The following MORC2 variants were observed in gnomAD, a reference collection of about 807,000 sequenced individuals.
MORC2 encodes the protein ATPase MORC2.
MORC2 carries 30 observed loss-of-function variants against 136.0 expected under a neutral mutation model. The ratio of observed to expected loss-of-function variants is 0.22; its 90% CI spans 0.17 to 0.30. The LOEUF (loss-of-function observed/expected upper bound fraction) is 0.30, where lower values mean the gene tolerates loss of function less well. MORC2 is among the 10% of genes least tolerant of loss of function. The probability of loss-of-function intolerance (pLI) is 1.00; values close to 1 mark genes in which losing one functional copy is unlikely to be tolerated. For missense variants in MORC2, 922 were observed against 1,333.1 expected, an observed-to-expected ratio of 0.69 and a Z score of 4.80; for synonymous variants, 439 against 487.0, an observed-to-expected ratio of 0.90 and a Z score of 1.30.
chr22:30,941,580 A>G lies in MORC2; in HGVS notation c.699-22T>C, dbSNP rs1206091447. 1.2e-6 allele frequency: 2 copies of G among 1,607,614 alleles called. No homozygotes were observed. Among genetic ancestry groups the G allele is most frequent in the Non-Finnish European group, 1.7e-6 (2 of 1,175,114 alleles). Reference sequence around the variant, plus strand: ...CTTCCTGGAGAGGGCAAAAACAGAGAAGTGCTGTCACCTGCTCCACAACAG... The same window carrying G: ...CTTCCTGGAGAGGGCAAAAACAGAGGAGTGCTGTCACCTGCTCCACAACAG... On this transcript the variant is annotated intron_variant, in intron 8 of 25. Coordinates refer to ENST00000397641, the MANE Select transcript of MORC2 (RefSeq NM_001303256.3). The surrounding 1 kb of genome is among the most constrained non-coding windows in gnomAD (Gnocchi z 4.6).
At chr22:30,929,158 A>G (rs1398754021) in intron 24 of MORC2, among the ~76,000 whole-genome samples, 1 of 152,274 alleles carries the variant, frequency 6.6e-6, no homozygotes, top group Non-Finnish European at 1.5e-5. Flanking sequence ...AGTTCTACAC[A>G]AAACAGTAAT....
chr22:30,950,064 A>C (rs1398708429), intron 4 of MORC2, among the ~76,000 whole-genome samples: 1 of 152,220 alleles, frequency 6.6e-6, no homozygotes, highest in Non-Finnish European at 1.5e-5. Context: ...GAATGTGGTA[A>C]GACAGCTAGC....
At chr22:30,935,358 AT>A in intron 17 of MORC2, 36 bp from the exon 18 acceptor site, 1 of 1,597,272 alleles carries the variant, frequency 6.3e-7, no homozygotes, top group Middle Eastern at 1.7e-4. Context: ...TTGTTTGCAT[AT>A]TTTAGTATAC....
chr22:30,939,516 T>G, intron 12 of MORC2, 105 bp downstream of exon 12: 1 of 1,089,240 alleles, frequency 9.2e-7, no homozygotes, highest in Admixed American at 2.4e-5. Flanking sequence ...TGACAAGCAT[T>G]TGGCATTAAA....
chr22:30,949,863 G>C (rs367672545), intron 4 of MORC2, 21 bp from the exon 5 acceptor site: 1 of 1,611,676 alleles, frequency 6.2e-7, no homozygotes, highest in Non-Finnish European at 8.5e-7. Flanking sequence ...AGACACAAGA[G>C]AAAGTGAAAA....
chr22:30,926,906 C>G (rs1435810248), intron 25 of MORC2, 35 bp from the exon 26 acceptor site: 4 of 1,584,418 alleles, frequency 2.5e-6, no homozygotes, highest in Non-Finnish European at 3.5e-6. Flanking sequence ...AACTGGGGGC[C>G]AGAAAGTGAT....
intron 1 of MORC2, among the ~76,000 whole-genome samples, chr22:30,966,020 T>C (rs2041123515): frequency 6.6e-6 from 1 of 152,222 alleles, no homozygotes; most frequent in Non-Finnish European, 1.5e-5. Context: ...TAATTTAATC[T>C]CTTTGAACCT....
chr22:30,968,180 A>C lies in MORC2; in HGVS notation c.-291T>G, dbSNP rs2041158425. 3.0e-6 allele frequency: 1 copy of C among 332,524 alleles called. No individual in the cohort carries two copies. Among genetic ancestry groups the C allele is most frequent in the Non-Finnish European group, 5.6e-6 (1 of 177,356 alleles). 20.6% of individuals were successfully genotyped at this position (332,524 alleles called of 1,614,324 possible). A position where few individuals can be genotyped will look rare whatever the true frequency, so the allele number is the denominator to read the frequency against. ...TTTTAGCATTAAGTTGCGATAGCTC[A>C]ATTCAGACAATCTGAGTCTCGTGTG... On this transcript the variant is annotated 5_prime_UTR_variant, in exon 1 of 26. In the 5' UTR this introduces an upstream ATG that the reference lacks. Coordinates refer to ENST00000397641, the MANE Select transcript of MORC2 (RefSeq NM_001303256.3).
chr22:30,961,619 C>T (rs912014886), intron 1 of MORC2, among the ~76,000 whole-genome samples: 4 of 152,080 alleles, frequency 2.6e-5, no homozygotes, highest in African/African-American at 9.7e-5. Flanking sequence ...CAGAAAAAAA[C>T]AAGAGCACAA....
At chr22:30,940,548 CAGA>C (rs1013569609) in intron 10 of MORC2, among the ~76,000 whole-genome samples, 10 of 152,102 alleles carry the variant, frequency 6.6e-5, no homozygotes, top group Admixed American at 4.6e-4. Context: ...CTATAAATGG[CAGA>C]AGAAGAGAAA....
At chr22:30,936,751 A>C in intron 16 of MORC2, 108 bp from the exon 17 acceptor site, 2 of 1,430,320 alleles carry the variant, frequency 1.4e-6, no homozygotes, top group Non-Finnish European at 1.9e-6. Flanking sequence ...CAACCACCTC[A>C]GAGTTCCCAA....
chr22:30,926,733 G>A lies in MORC2; in HGVS notation c.*70C>T. On this transcript the variant is annotated 3_prime_UTR_variant, in exon 26 of 26. Coordinates refer to ENST00000397641, the MANE Select transcript of MORC2 (RefSeq NM_001303256.3). ...AAGGTGCGACCACCAACCCATGAAT[G>A]AAGTCCCCTCCCCCTGCAGCTACAG... 7.4e-7 allele frequency: 1 copy of A among 1,343,438 alleles called. No individual in the cohort carries two copies. The highest frequency in any genetic ancestry group is 1.0e-6 in the Non-Finnish European group (1 of 952,558). The allele number at this position is 1,343,438 out of a possible 1,614,324, so 83.2% of individuals were successfully genotyped here.
At chr22:30,961,172 TATGTTTA>T (rs1465273550) in intron 1 of MORC2, among the ~76,000 whole-genome samples, 1 of 152,136 alleles carries the variant, frequency 6.6e-6, no homozygotes, top group Non-Finnish European at 1.5e-5. Flanking sequence ...GCCCGGCCCA[TATGTTTA>T]ATTATTAAAA....
chr22:30,948,788 AG>A (rs2040851879), intron 5 of MORC2, among the ~76,000 whole-genome samples: 2 of 152,206 alleles, frequency 1.3e-5, no homozygotes, highest in South Asian at 4.1e-4. Flanking sequence ...ACAACCTCAC[AG>A]GGCTATCATG....
Position 30,934,967 on chromosome 22 carries a change from C to T in MORC2, c.2007G>A (p.Gln669=). ...CAGGCTTTCGGGGTGCCTCAGGTGG[C>T]TGGAGCAGCCTAGATGTGCTGGCCT... is the stretch of plus-strand genomic sequence containing the variant. ...REEASTSRLL[Q]PPEAPRKPAN... Residue 669 remains glutamine, a synonymous_variant, in exon 19 of 26, where the codon CAG becomes CAA. Transcript: ENST00000397641. This position sits in a 1 kb window ranked among gnomAD's most constrained non-coding sequence, Gnocchi z 4.4. 2 of 1,614,082 alleles carry T rather than the reference C, an allele frequency of 1.2e-6. No homozygotes were observed. Among genetic ancestry groups the T allele is most frequent in the Non-Finnish European group, 1.7e-6 (2 of 1,180,022 alleles).
intron 24 of MORC2, among the ~76,000 whole-genome samples, chr22:30,931,636 T>G (rs959956914): frequency 6.6e-6 from 1 of 152,116 alleles, no homozygotes; most frequent in African/African-American, 2.4e-5. Flanking sequence ...CCTCAAACAC[T>G]CCTTTTCACT....
At chr22:30,965,415 C>G (rs1260613805) in intron 1 of MORC2, among the ~76,000 whole-genome samples, 1 of 152,178 alleles carries the variant, frequency 6.6e-6, no homozygotes, top group Non-Finnish European at 1.5e-5. Context: ...TTTATTTTCT[C>G]TATAAATGAA....
chr22:30,938,227 A>G (rs1185935168), intron 12 of MORC2, 22 bp from the exon 13 acceptor site: 4 of 1,393,400 alleles, frequency 2.9e-6, no homozygotes, highest in Admixed American at 4.2e-5. Flanking sequence ...AAAAAACTCA[A>G]GCAGATCTAC....
rs1404871361 is a variant in MORC2, at chr22:30,948,046, AAC to A, written c.318-1599_318-1598del. Among the ~76,000 whole-genome samples the A allele has an allele frequency of 7.9e-5, 12 of 152,252 alleles. No homozygotes were observed. In the East Asian group the frequency reaches 1.5e-3, roughly 20 times the overall value. Reference sequence around the variant, plus strand: ...AAGTCTTCCACTGAAATACGCTAATAACACTCTCAACTTCTATACGCTTTCCT... The same window carrying A: ...AAGTCTTCCACTGAAATACGCTAATAACTCTCAACTTCTATACGCTTTCCT... On this transcript the variant is annotated intron_variant, in intron 5 of 25. Transcript: ENST00000397641.
Sources: allele counts gnomAD v4.1 joint callset (sites outside exome capture counted in the v4.1 genomes callset), GRCh38; gene constraint gnomAD v4.1.1; non-coding constraint Gnocchi (gnomAD v3.1); transcripts MANE v1.5; gene names NCBI Gene and HGNC (gene_info 2026-07-23, HGNC 2026-07-21).